Variants in USP45 observed in about 807,000 individuals in gnomAD.
The protein encoded by USP45 is ubiquitin specific peptidase 45.
USP45 carries 89 observed loss-of-function variants against 95.8 expected under a neutral mutation model. That is an observed-to-expected ratio of 0.93 (90% CI 0.78 to 1.11). The LOEUF (loss-of-function observed/expected upper bound fraction) is 1.11. Among genes scored for constraint, USP45 ranks in the 50% least tolerant of loss-of-function variants. The pLI, the probability that USP45 is intolerant of heterozygous loss-of-function variation, is 0.00. For missense variants in USP45, 898 were observed against 942.5 expected, an observed-to-expected ratio of 0.95 and a Z score of 0.62; for synonymous variants, 281 against 316.2, an observed-to-expected ratio of 0.89 and a Z score of 1.18.
chr6:99,506,260 A>AAC (rs1448149890), intron 4 of USP45, among the ~76,000 whole-genome samples: 1 of 152,272 alleles, frequency 6.6e-6, no homozygotes, highest in African/African-American at 2.4e-5. Flanking sequence ...GAAGCATTTC[A>AAC]ACATAGTGTC....
chr6:99,439,670 G>T, intron 16 of USP45, 99 bp downstream of exon 16: 1 of 805,736 alleles, frequency 1.2e-6, no homozygotes, highest in South Asian at 3.6e-5. Context: ...CCTTTCAGAA[G>T]AGAAGTTATT....
chr6:99,461,896 T>C (rs1786540132), intron 13 of USP45: 1 of 984,794 alleles, frequency 1.0e-6, no homozygotes. Flanking sequence ...ATAAAACTAG[T>C]ACTGAAAGTA....
chr6:99,468,673 C>G lies in USP45; in HGVS notation c.934-55G>C, dbSNP rs41288955. 2.0e-3 allele frequency: 2,464 copies of G among 1,204,440 alleles called. 7 individuals carry two copies. The highest frequency in any genetic ancestry group is 4.2e-3 in the Admixed American group (200 of 47,626). The allele number at this position is 1,204,440 out of a possible 1,614,324, so 74.6% of individuals were successfully genotyped here. ...TAATAATAGTTAACTCAGGCCTCAT[C>G]CTCCTAATAAAAGTACTTTCAAACA... is the stretch of plus-strand genomic sequence containing the variant. On this transcript the variant is annotated intron_variant, in intron 9 of 17. Coordinates refer to ENST00000500704, the MANE Select transcript of USP45 (RefSeq NM_001346022.3).
At chr6:99,476,669 T>C (rs1186203281) in intron 8 of USP45, among the ~76,000 whole-genome samples, 3 of 152,212 alleles carry the variant, frequency 2.0e-5, no homozygotes, top group African/African-American at 4.8e-5. Flanking sequence ...ATGTACTGTT[T>C]TCTCCAACTT....
rs565803706 is a variant in USP45 at position 99,464,849 on chromosome 6, C to T, written c.1165-102G>A. ...ACTGACTTGAAATACAAAAAATTAA[C>T]AAATTATCAAAATAAAAAGTGTTTA... On this transcript the variant is annotated intron_variant, in intron 12 of 17. Coordinates refer to ENST00000500704, the MANE Select transcript of USP45 (RefSeq NM_001346022.3). 8.3e-5 allele frequency: 107 copies of T among 1,283,954 alleles called. No homozygotes were observed. The African/African-American group carries it at 1.3e-3, about 16-fold the overall frequency. The allele number at this position is 1,283,954 out of a possible 1,614,324, so 79.5% of individuals were successfully genotyped here.
chr6:99,438,212 T>G (rs151205315), intron 16 of USP45, among the ~76,000 whole-genome samples: 1 of 152,282 alleles, frequency 6.6e-6, no homozygotes, highest in African/African-American at 2.4e-5. Context: ...GAGTGTAGAC[T>G]ATCTCTAAAT....
intron 5 of USP45, among the ~76,000 whole-genome samples, chr6:99,497,421 A>G (rs1475328124): frequency 6.6e-6 from 1 of 152,112 alleles, no homozygotes; most frequent in Non-Finnish European, 1.5e-5. Context: ...GCCCATTTCT[A>G]CAGCTGAAAA....
chr6:99,463,299 C>T (rs1162061719), intron 13 of USP45, among the ~76,000 whole-genome samples: 1 of 151,964 alleles, frequency 6.6e-6, no homozygotes, highest in Non-Finnish European at 1.5e-5. Flanking sequence ...CATAGAGAGA[C>T]ATAAAACATT....
At chr6:99,439,311 G>GT (rs1781079002) in intron 16 of USP45, among the ~76,000 whole-genome samples, 1 of 152,188 alleles carries the variant, frequency 6.6e-6, no homozygotes, top group South Asian at 2.1e-4. Context: ...AGTAGCAGCA[G>GT]TTTTGAAGTA....
chr6:99,515,899 C>G (rs1801060534), upstream of USP45, among the ~76,000 whole-genome samples: 1 of 151,526 alleles, frequency 6.6e-6, no homozygotes, highest in South Asian at 2.1e-4. Flanking sequence ...CTTAGCCTCC[C>G]GAGTAGCTGG....
At chr6:99,466,823 T>C (rs1390267774) in intron 10 of USP45, 60 bp from the exon 11 acceptor site, 11 of 1,256,448 alleles carry the variant, frequency 8.8e-6, no homozygotes, top group South Asian at 2.4e-5. Flanking sequence ...AGCAGTATAA[T>C]AGGCTATCTT....
At chr6:99,502,005 T>C in intron 5 of USP45, 3 of 1,299,970 alleles carry the variant, frequency 2.3e-6, no homozygotes, top group Non-Finnish European at 3.0e-6. Flanking sequence ...GGATGGGGCC[T>C]GGCCCTGCCA....
intron 1 of USP45, 63 bp downstream of exon 1, chr6:99,515,329 A>G (rs1361860739): frequency 1.3e-5 from 2 of 152,236 alleles, no homozygotes; most frequent in Non-Finnish European, 2.9e-5. Flanking sequence ...CGCCGAAGCG[A>G]AGACCGAGAA....
Position 99,473,777 on chromosome 6 carries a change from A to AACAC in USP45, c.933+2362_933+2365dup, listed in dbSNP as rs60031754. 1.4e-3 allele frequency among the ~76,000 whole-genome samples: 177 copies of AACAC among 127,746 alleles called. 3 individuals carry two copies. Among genetic ancestry groups the AACAC allele is most frequent in the Non-Finnish European group, 1.9e-3 (119 of 62,844 alleles). 83.8% of individuals were successfully genotyped at this position (127,746 alleles called of 152,430 possible). A position where few individuals can be genotyped will look rare whatever the true frequency, so the allele number is the denominator to read the frequency against. On this transcript the variant is annotated intron_variant, in intron 9 of 17. Transcript: ENST00000500704. ...CTCAAAAAAAAAACAAAAAAAACAA[A>AACAC]ACACACACACACACACACACACACA...
In USP45 at chr6:99,445,822, C is replaced by T; in HGVS notation, c.1950G>A (p.Lys650=). 3 of 1,581,980 alleles carry T rather than the reference C, an allele frequency of 1.9e-6. No individual in the cohort carries two copies. The highest frequency in any genetic ancestry group is 2.6e-6 in the Non-Finnish European group (3 of 1,168,428). The change falls in exon 14 of 18, where the codon AAG becomes AAA. Residue 650 remains lysine (K), a synonymous_variant. Transcript: ENST00000500704. ...CTGCAAAACTGGTTTCTTCTTGGTACTTCTGTTTGTTTTTAGTACAATTCT... is the reference window on the plus strand; with the variant it reads ...CTGCAAAACTGGTTTCTTCTTGGTATTTCTGTTTGTTTTTAGTACAATTCT... ...LCENCTKNKQ[K]YQEETSFAEK...
At chr6:99,507,087 G>A (rs746292568) in intron 4 of USP45, among the ~76,000 whole-genome samples, 2 of 152,090 alleles carry the variant, frequency 1.3e-5, no homozygotes, top group African/African-American at 2.4e-5. Flanking sequence ...TGCGCCTGTG[G>A]TCCCAGCTAC....
rs3087961 is a variant in USP45 at position 99,433,190 on chromosome 6, T to C, written c.*2526A>G. 75,213 of 152,396 alleles carry C rather than the reference T, an allele frequency of 0.49. 19,075 individuals carry two copies. The highest frequency in any genetic ancestry group is 0.89 in the East Asian group (4,597 of 5,172). 9.4% of individuals were successfully genotyped at this position (152,396 alleles called of 1,614,324 possible). Reference sequence around the variant, plus strand: ...TCTTCTCAGCTACCTAAAAAGGTGGTCTTCACAAGTTTTAAGAACATTAAA... The same window carrying C: ...TCTTCTCAGCTACCTAAAAAGGTGGCCTTCACAAGTTTTAAGAACATTAAA... On this transcript the variant is annotated 3_prime_UTR_variant, in exon 18 of 18. Coordinates refer to ENST00000500704, the MANE Select transcript of USP45 (RefSeq NM_001346022.3).
chr6:99,440,584 G>T (rs1781341668), intron 15 of USP45, among the ~76,000 whole-genome samples: 1 of 152,168 alleles, frequency 6.6e-6, no homozygotes, highest in Non-Finnish European at 1.5e-5. Context: ...ACGAAAAGGG[G>T]CAACCTGTCA....
At chr6:99,468,676 C>A in intron 9 of USP45, 58 bp from the exon 10 acceptor site, 1 of 1,184,594 alleles carries the variant, frequency 8.4e-7, no homozygotes, top group South Asian at 1.4e-5. Flanking sequence ...GCCTCATCCT[C>A]CTAATAAAAG....
Sources: allele counts gnomAD v4.1 joint callset (sites outside exome capture counted in the v4.1 genomes callset), GRCh38; gene constraint gnomAD v4.1.1; transcripts MANE v1.5; gene names NCBI Gene and HGNC (gene_info 2026-07-23, HGNC 2026-07-21).